Variants in RASA2 observed in about 807,000 individuals in gnomAD.
The protein encoded by RASA2 is ras GTPase-activating protein 2.
In RASA2, 155 loss-of-function variants were observed where a neutral mutation model predicts 118.2. The observed-to-expected ratio is 1.31, with a 90% CI of 1.15 to 1.50. The LOEUF is 1.50. RASA2 is among the 40% of genes most tolerant of loss of function. RASA2 has a pLI of 0.00. For synonymous variants in RASA2, 353 were observed against 349.1 expected (o/e 1.01, Z -0.12); for missense variants, 1,016 against 1,009.6 (o/e 1.01, Z -0.09).
Position 141,574,053 on chromosome 3 carries a change from C to T in RASA2, c.1469C>T (p.Thr490Ile). 1 of 1,487,134 alleles carries T rather than the reference C, an allele frequency of 6.7e-7. No homozygotes were observed. The allele number at this position is 1,487,134 out of a possible 1,614,324, so 92.1% of individuals were successfully genotyped here. Residue 490 changes from threonine to isoleucine, a missense_variant, in exon 14 of 24, where the codon ACT becomes ATT. Coordinates refer to ENST00000286364, the MANE Select transcript of RASA2 (RefSeq NM_006506.5). ...TTTTATTCTCTAAGGCAGATGGCTA[C>T]TCAGAGATTTCCTAGTAAGTGCCTT... ...DIFYSLRQMATQRFPNDPHVQ... is the reference protein window; with the variant it reads ...DIFYSLRQMAIQRFPNDPHVQ...
intron 19 of RASA2, among the ~76,000 whole-genome samples, chr3:141,607,144 G>A (rs2083561100): frequency 6.6e-6 from 1 of 151,976 alleles, no homozygotes; most frequent in African/African-American, 2.4e-5. Flanking sequence ...AAATTTTGTA[G>A]CTTTTGATCA....
At chr3:141,562,155 TG>T (rs1471176701) in intron 9 of RASA2, among the ~76,000 whole-genome samples, 1 of 151,642 alleles carries the variant, frequency 6.6e-6, no homozygotes, top group East Asian at 2.0e-4. Context: ...GTTTTAACTA[TG>T]TTGGCCAGGC....
intron 1 of RASA2, among the ~76,000 whole-genome samples, chr3:141,494,190 G>C (rs931570399): frequency 6.6e-6 from 1 of 152,176 alleles, no homozygotes; most frequent in East Asian, 1.9e-4. Context: ...TACATTTCTA[G>C]ATAGATGTTA....
chr3:141,525,692 G>A (rs2082175500), intron 3 of RASA2: 1 of 151,778 alleles, frequency 6.6e-6, no homozygotes, highest in Non-Finnish European at 1.5e-5. Context: ...AATTACTTCT[G>A]GCTACTTGGG....
chr3:141,547,502 C>T (rs1385430489), intron 5 of RASA2, among the ~76,000 whole-genome samples: 3 of 152,106 alleles, frequency 2.0e-5, no homozygotes, highest in African/African-American at 7.2e-5. Context: ...TCAAATTGTT[C>T]ACTGTTGGCA....
chr3:141,551,021 TTGTC>T (rs375198145), intron 5 of RASA2, among the ~76,000 whole-genome samples: 51 of 152,370 alleles, frequency 3.3e-4, no homozygotes, highest in African/African-American at 9.6e-4. Context: ...TTAAATGTCT[TTGTC>T]TGCTAGTTCT....
At chr3:141,594,854 G>A (rs1215497497) in intron 19 of RASA2, among the ~76,000 whole-genome samples, 1 of 150,280 alleles carries the variant, frequency 6.7e-6, no homozygotes, top group Non-Finnish European at 1.5e-5. Context: ...TAAATATGTG[G>A]GTAAATGTAA....
chr3:141,529,493 G>C (rs571687660), intron 3 of RASA2, among the ~76,000 whole-genome samples: 1 of 152,198 alleles, frequency 6.6e-6, no homozygotes, highest in South Asian at 2.1e-4. Context: ...GATTCAAAAT[G>C]ACCCAGACAA....
intron 9 of RASA2, among the ~76,000 whole-genome samples, chr3:141,563,619 T>C (rs1247241800): frequency 1.3e-5 from 2 of 152,188 alleles, no homozygotes; most frequent in South Asian, 4.1e-4. Context: ...TAATAACTTT[T>C]TTAGGGCTGT....
chr3:141,537,137 A>T (rs1049963663), intron 4 of RASA2, among the ~76,000 whole-genome samples: 11 of 152,024 alleles, frequency 7.2e-5, no homozygotes, highest in African/African-American at 2.7e-4. Context: ...CTTGTCTTCT[A>T]TCAGTTTTGG....
chr3:141,546,846 T>G (rs2082493529), intron 5 of RASA2, among the ~76,000 whole-genome samples: 1 of 152,242 alleles, frequency 6.6e-6, no homozygotes, highest in Admixed American at 6.5e-5. Context: ...GATTTAAGCC[T>G]TTAATCCATT....
intron 1 of RASA2, among the ~76,000 whole-genome samples, chr3:141,504,365 G>C (rs1418035723): frequency 1.6e-4 from 25 of 152,104 alleles, no homozygotes; most frequent in Admixed American, 1.6e-3. Context: ...GATGTATAAG[G>C]CATCTCAGAT....
chr3:141,493,109 G>A (rs2081658371), intron 1 of RASA2, among the ~76,000 whole-genome samples: 1 of 152,094 alleles, frequency 6.6e-6, no homozygotes, highest in African/African-American at 2.4e-5. Flanking sequence ...TGGCCTGTTC[G>A]GCACTAGTCC....
At chr3:141,563,337 C>T (rs1372373397) in intron 9 of RASA2, among the ~76,000 whole-genome samples, 1 of 151,922 alleles carries the variant, frequency 6.6e-6, no homozygotes, top group Non-Finnish European at 1.5e-5. Flanking sequence ...CCAGATAGTC[C>T]TGAACTATTT....
intron 18 of RASA2, 21 bp downstream of exon 18, chr3:141,586,119 G>T: frequency 6.4e-7 from 1 of 1,560,432 alleles, no homozygotes; most frequent in Non-Finnish European, 8.8e-7. Flanking sequence ...CAAATTAGAC[G>T]TGAAAGTCAT....
intron 1 of RASA2, among the ~76,000 whole-genome samples, chr3:141,503,042 A>G (rs1032438932): frequency 2.6e-5 from 4 of 152,150 alleles, no homozygotes; most frequent in Non-Finnish European, 4.4e-5. Context: ...TTCTTAATTT[A>G]TGAAAGGGAA....
intron 14 of RASA2, 79 bp from the exon 15 acceptor site, chr3:141,576,921 C>T (rs901516571): frequency 5.3e-6 from 5 of 938,946 alleles, no homozygotes; most frequent in Non-Finnish European, 7.9e-6. Context: ...GTTTACATGT[C>T]TTTTCTATAT....
At chr3:141,489,612 A>C (rs972976432) in intron 1 of RASA2, among the ~76,000 whole-genome samples, 1 of 152,180 alleles carries the variant, frequency 6.6e-6, no homozygotes, top group African/African-American at 2.4e-5. Context: ...GGAGAGTTAG[A>C]GATCTGTAGG....
chr3:141,581,048 A>G, intron 16 of RASA2, 52 bp from the exon 17 acceptor site: 3 of 1,442,054 alleles, frequency 2.1e-6, no homozygotes, highest in Non-Finnish European at 2.7e-6. Context: ...AGTCCATTCT[A>G]TTCTTAATTC....
Sources: allele counts gnomAD v4.1 joint callset (sites outside exome capture counted in the v4.1 genomes callset), GRCh38; gene constraint gnomAD v4.1.1; transcripts MANE v1.5; gene names NCBI Gene and HGNC (gene_info 2026-07-23, HGNC 2026-07-21).